DNAH11: variants seen among roughly 807,000 people sequenced by gnomAD.
DNAH11 encodes axonemal beta dynein heavy chain 11.
DNAH11 carries 442 observed loss-of-function variants against 526.0 expected under a neutral mutation model. The observed-to-expected ratio is 0.84, with a 90% confidence interval of 0.78 to 0.91. DNAH11 has a LOEUF of 0.91. Among genes scored for constraint, DNAH11 ranks in the 40% least tolerant of loss-of-function variants. The pLI, the probability that DNAH11 is intolerant of heterozygous loss-of-function variation, is 0.00. For missense variants in DNAH11, 6,989 were observed against 5,448.7 expected (o/e 1.28, Z -8.90); for synonymous variants, 2,461 against 1,935.9 (o/e 1.27, Z -7.12).
At chr7:21,765,289 G>A (rs1331516919) in intron 54 of DNAH11, 139 bp from the exon 55 acceptor site, 4 of 1,210,264 alleles carry the variant, frequency 3.3e-6, no homozygotes, top group Non-Finnish European at 4.7e-6. Flanking sequence ...GGTTAATGTT[G>A]CTGTCCACTC....
At chr7:21,745,801 C>T (rs1786124189) in intron 51 of DNAH11, among the ~76,000 whole-genome samples, 1 of 152,156 alleles carries the variant, frequency 6.6e-6, no homozygotes, top group African/African-American at 2.4e-5. Context: ...AAGTGAATTT[C>T]CAAAGAGGGA....
At chr7:21,670,085 T>G (rs1782584731) in intron 30 of DNAH11, among the ~76,000 whole-genome samples, 1 of 152,144 alleles carries the variant, frequency 6.6e-6, no homozygotes, top group African/African-American at 2.4e-5. Flanking sequence ...TTAGCCTAAT[T>G]AAATTGCGAC....
intron 63 of DNAH11, among the ~76,000 whole-genome samples, chr7:21,814,345 ATTTATTT>A (rs201531791): frequency 1.3e-3 from 132 of 100,668 alleles, no homozygotes; most frequent in Non-Finnish European, 1.9e-3. Flanking sequence ...TTATTTATTT[ATTTATTT>A]TTTTTTTATT....
intron 26 of DNAH11, 73 bp from the exon 27 acceptor site, chr7:21,637,538 A>G (rs1018347437): frequency 2.4e-5 from 25 of 1,027,008 alleles, no homozygotes; most frequent in Non-Finnish European, 3.4e-5. Flanking sequence ...TCATTTTTTT[A>G]ATTCTTGAAA....
intron 59 of DNAH11, among the ~76,000 whole-genome samples, chr7:21,787,103 C>T (rs1170699061): frequency 2.0e-5 from 3 of 152,144 alleles, no homozygotes; most frequent in Non-Finnish European, 4.4e-5. Context: ...AGGTGAAGCA[C>T]AGGGGATTTT....
intron 23 of DNAH11, 80 bp from the exon 24 acceptor site, chr7:21,619,020 A>G: frequency 6.4e-7 from 1 of 1,571,966 alleles, no homozygotes; most frequent in Non-Finnish European, 8.7e-7. Context: ...TTTAGTTAAG[A>G]TTCATTTCAC....
At chr7:21,753,028 C>G (rs1786479188) in intron 54 of DNAH11, among the ~76,000 whole-genome samples, 1 of 152,120 alleles carries the variant, frequency 6.6e-6, no homozygotes, top group African/African-American at 2.4e-5. Flanking sequence ...AGTCGGAACT[C>G]AAATTGAGCT....
intron 25 of DNAH11, among the ~76,000 whole-genome samples, chr7:21,628,445 C>G (rs961547008): frequency 1.3e-5 from 2 of 152,048 alleles, no homozygotes; most frequent in Non-Finnish European, 1.5e-5. Context: ...ATGTCCTTTA[C>G]TATTTTGAGA....
intron 6 of DNAH11, among the ~76,000 whole-genome samples, chr7:21,564,684 T>C (rs1783591330): frequency 6.6e-6 from 1 of 152,180 alleles, no homozygotes; most frequent in Non-Finnish European, 1.5e-5. Context: ...AAGACAGACA[T>C]GTGTAGTACC....
intron 66 of DNAH11, 34 bp from the exon 67 acceptor site, chr7:21,852,433 C>A: frequency 1.3e-6 from 2 of 1,521,040 alleles, no homozygotes; most frequent in Non-Finnish European, 8.9e-7. Context: ...AGTACTTAAC[C>A]ACCATTTCCC....
chr7:21,766,913 A>C (rs533474048), intron 55 of DNAH11, among the ~76,000 whole-genome samples: 8 of 152,182 alleles, frequency 5.3e-5, no homozygotes, highest in Non-Finnish European at 1.0e-4. Context: ...AGGCCTTAGG[A>C]TATTCATATA....
chr7:21,777,556 T>C (rs1787732318), intron 56 of DNAH11, among the ~76,000 whole-genome samples: 1 of 152,208 alleles, frequency 6.6e-6, no homozygotes, highest in Non-Finnish European at 1.5e-5. Context: ...AGAGCCAGTT[T>C]CTCAGCTCGC....
At chr7:21,592,173 A>C (rs1433091724) in intron 14 of DNAH11, among the ~76,000 whole-genome samples, 1 of 152,228 alleles carries the variant, frequency 6.6e-6, no homozygotes, top group African/African-American at 2.4e-5. Flanking sequence ...CTTACACTCT[A>C]GTCAGAGGAA....
At chr7:21,681,763 GT>G (rs760171188) in intron 31 of DNAH11, 86 bp downstream of exon 31, 13 of 1,538,396 alleles carry the variant, frequency 8.5e-6, no homozygotes, top group Non-Finnish European at 1.1e-5. Context: ...GAAAGTCGTT[GT>G]TTTTTTGAAA....
chr7:21,898,412 C>G lies in DNAH11; in HGVS notation c.13050-924C>G, dbSNP rs573135793. On this transcript the variant is annotated intron_variant, in intron 79 of 81. Transcript: ENST00000409508. ...CCCAGAGTCAGGCAAGTATCTCAGGCAGACATGTTCTGCCATGTGGTTTGT... is the reference window on the plus strand; with the variant it reads ...CCCAGAGTCAGGCAAGTATCTCAGGGAGACATGTTCTGCCATGTGGTTTGT... 9.3e-4 allele frequency among the ~76,000 whole-genome samples: 142 copies of G among 152,286 alleles called. 1 individual carries two copies. Among genetic ancestry groups the G allele is most frequent in the African/African-American group, 3.2e-3 (134 of 41,562 alleles).
At chr7:21,673,481 AG>A (rs1248593933) in intron 30 of DNAH11, among the ~76,000 whole-genome samples, 1 of 152,168 alleles carries the variant, frequency 6.6e-6, no homozygotes, top group Non-Finnish European at 1.5e-5. Context: ...AATGGCCATC[AG>A]GCTGATGTCC....
intron 74 of DNAH11, among the ~76,000 whole-genome samples, chr7:21,873,784 C>CTTTTTGTTTTTTTT: frequency 1.4e-5 from 1 of 70,700 alleles, no homozygotes. Context: ...GAGGAGGTTG[C>CTTTTTGTTTTTTTT]TTTTTTTTTT....
chr7:21,742,075 C>G lies in DNAH11; in HGVS notation c.8063C>G (p.Ala2688Gly). The change falls in exon 49 of 82, where the codon GCA becomes GGA. Residue 2688 changes from alanine to glycine, a missense_variant. Ala to Gly is a moderately conservative substitution (Grantham distance 60). Transcript: ENST00000409508. ...CCCACTTTGATCCAGGCAACAATAGCATTCCATCAGACAATGATGTGTAAC... is the reference window on the plus strand; with the variant it reads ...CCCACTTTGATCCAGGCAACAATAGGATTCCATCAGACAATGATGTGTAAC... ...SGPTLIQATIAFHQTMMCNFL... is the reference protein window; with the variant it reads ...SGPTLIQATIGFHQTMMCNFL... The G allele has an allele frequency of 3.7e-6, 6 of 1,613,954 alleles. No individual in the cohort carries two copies. Among genetic ancestry groups the G allele is most frequent in the Non-Finnish European group, 5.1e-6 (6 of 1,179,846 alleles).
chr7:21,663,173 G>A (rs971593044), intron 30 of DNAH11, among the ~76,000 whole-genome samples: 2 of 152,064 alleles, frequency 1.3e-5, no homozygotes, highest in South Asian at 2.1e-4. Flanking sequence ...TTTTATGGTG[G>A]AGTAGTAGTC....
Sources: allele counts gnomAD v4.1 joint callset (sites outside exome capture counted in the v4.1 genomes callset), GRCh38; gene constraint gnomAD v4.1.1; transcripts MANE v1.5; gene names NCBI Gene and HGNC (gene_info 2026-07-23, HGNC 2026-07-21).